The following TYW1 variants were observed in gnomAD, a reference collection of about 807,000 sequenced individuals.
TYW1 encodes S-adenosyl-L-methionine-dependent tRNA 4-demethylwyosine synthase TYW1.
Under a neutral mutation model 96.2 loss-of-function variants are expected in TYW1, and 46 were observed. That is an observed-to-expected ratio of 0.48 (90% CI 0.38 to 0.61). The LOEUF (loss-of-function observed/expected upper bound fraction) is 0.61, where lower values mean the gene tolerates loss of function less well. Among genes scored for constraint, TYW1 ranks in the 20% least tolerant of loss-of-function variants. The pLI is 0.00. For synonymous variants in TYW1, 274 were observed against 323.0 expected (o/e 0.85, Z 1.63); for missense variants, 684 against 909.6 (o/e 0.75, Z 3.19).
chr7:67,184,099 G>T (rs1799925982), intron 14 of TYW1, among the ~76,000 whole-genome samples: 1 of 152,204 alleles, frequency 6.6e-6, no homozygotes, highest in African/African-American at 2.4e-5. Context: ...GATTATAGGT[G>T]TGAGCCACTG....
chr7:67,159,954 C>T (rs1286629891), intron 13 of TYW1, among the ~76,000 whole-genome samples: 1 of 144,804 alleles, frequency 6.9e-6, no homozygotes, highest in Non-Finnish European at 1.5e-5. Context: ...GCGCCCGCCA[C>T]CACGCCCGGC....
At position 67,049,929 on chromosome 7, in the gene TYW1, T is replaced by C. The variant is rs1394972764; in HGVS notation, c.985-20T>C. 3.7e-6 allele frequency: 6 copies of C among 1,613,538 alleles called. No individual in the cohort carries two copies. The highest frequency in any genetic ancestry group is 5.1e-6 in the Non-Finnish European group (6 of 1,179,778). ...GCACATTACCAATTCTGGATTTCATTCTTTTTTATTTTAATGCAGAGAGAA... is the reference window on the plus strand; with the variant it reads ...GCACATTACCAATTCTGGATTTCATCCTTTTTTATTTTAATGCAGAGAGAA... On this transcript the variant is annotated intron_variant, in intron 7 of 15. Transcript: ENST00000359626.
chr7:67,217,513 T>C (rs1024995501), intron 15 of TYW1, among the ~76,000 whole-genome samples: 2 of 152,220 alleles, frequency 1.3e-5, no homozygotes, highest in Non-Finnish European at 2.9e-5. Context: ...GATGCTGTCC[T>C]TTCCCCATTG....
chr7:67,028,764 G>A (rs1291631038), intron 7 of TYW1, among the ~76,000 whole-genome samples: 1 of 152,034 alleles, frequency 6.6e-6, no homozygotes, highest in African/African-American at 2.4e-5. Context: ...GATCCAGCAG[G>A]CCCAGTTGTA....
At chr7:67,029,656 C>T (rs1218193459) in intron 7 of TYW1, among the ~76,000 whole-genome samples, 1 of 151,908 alleles carries the variant, frequency 6.6e-6, no homozygotes, top group Non-Finnish European at 1.5e-5. Flanking sequence ...GAATGACTCA[C>T]AGAACTCCCT....
rs1462113793 is a variant in TYW1 at position 67,238,811 on chromosome 7, C to T, written c.*282C>T. 13 of 1,250,212 alleles carry T rather than the reference C, an allele frequency of 1.0e-5. No homozygotes were observed. The highest frequency in any genetic ancestry group is 1.2e-5 in the Non-Finnish European group (12 of 991,488). The allele number at this position is 1,250,212 out of a possible 1,614,324, so 77.4% of individuals were successfully genotyped here. ...CTACACAGTCGTGATTAGAATTTAT[C>T]TGATGGTTTTGTATTATAACTTGTA... On this transcript the variant is annotated 3_prime_UTR_variant, in exon 16 of 16. Transcript: ENST00000359626.
chr7:66,998,665 G>A, intron 2 of TYW1, 152 bp from the exon 3 acceptor site: 1 of 887,848 alleles, frequency 1.1e-6, no homozygotes, highest in Non-Finnish European at 1.7e-6. Context: ...GCTAATATTT[G>A]AGGAATACAA....
chr7:67,023,101 CTTTTCTTTTTTTT>C (rs1794331273), intron 6 of TYW1, among the ~76,000 whole-genome samples: 1 of 151,868 alleles, frequency 6.6e-6, no homozygotes. Context: ...TAATTTTTTT[CTTTTCTTTTTTTT>C]GAGATGGAGT....
Position 67,072,583 on chromosome 7 carries a change from T to G in TYW1, c.1274+5180T>G, listed in dbSNP as rs547273162. 1.8e-4 allele frequency among the ~76,000 whole-genome samples: 27 copies of G among 151,364 alleles called. No homozygotes were observed. In the East Asian group the frequency reaches 3.3e-3, roughly 18 times the overall value. The stretch of plus-strand genomic sequence containing the variant: ...ACTTTTAAAAAATTCTTATTATAGA[T>G]TTTTTTTTAACATAAGCAGAGAGAG... On this transcript the variant is annotated intron_variant, in intron 10 of 15. Coordinates refer to ENST00000359626, the MANE Select transcript of TYW1 (RefSeq NM_018264.4).
intron 6 of TYW1, among the ~76,000 whole-genome samples, chr7:67,018,692 C>T (rs552901977): frequency 1.3e-5 from 2 of 151,914 alleles, no homozygotes; most frequent in East Asian, 3.9e-4. Context: ...CGGTGGCTCA[C>T]GCTTGTAATC....
rs531820949 is a variant in TYW1 at position 67,183,191 on chromosome 7, C to G, written c.1764C>G (p.Tyr588Ter). The change falls in exon 14 of 16, where the codon TAC becomes TAG. Residue 588 changes from tyrosine (Y) to a stop codon, truncating the protein, a stop_gained. Coordinates refer to ENST00000359626, the MANE Select transcript of TYW1 (RefSeq NM_018264.4). LOFTEE classifies it high-confidence loss of function. ...GGAACGTGGACGAGCTCCAGGCCTA[C>G]GCGCAGCTCGTGTCCCTGGGGAATC... ...KAWNVDELQA[Y>*]AQLVSLGNPD... 1.2e-6 allele frequency: 2 copies of G among 1,610,852 alleles called. No individual in the cohort carries two copies. The highest frequency in any genetic ancestry group is 1.7e-5 in the Admixed American group (1 of 59,802).
At chr7:67,223,572 C>T (rs1385430557) in intron 15 of TYW1, among the ~76,000 whole-genome samples, 1 of 151,056 alleles carries the variant, frequency 6.6e-6, no homozygotes, top group Non-Finnish European at 1.5e-5. Flanking sequence ...AAGCACTGGC[C>T]CTTGAAGTCC....
At chr7:67,115,760 A>C (rs925837819) in intron 12 of TYW1, among the ~76,000 whole-genome samples, 1 of 152,254 alleles carries the variant, frequency 6.6e-6, no homozygotes, top group Non-Finnish European at 1.5e-5. Context: ...TGATACATAT[A>C]TAAAGCACAT....
chr7:67,149,714 GA>G (rs201725802), intron 13 of TYW1, among the ~76,000 whole-genome samples: 1 of 136,488 alleles, frequency 7.3e-6, no homozygotes, highest in African/African-American at 2.6e-5. Flanking sequence ...GTCAAAAAAG[GA>G]AAAAAAATAT....
chr7:67,073,931 C>A (rs58942690), intron 10 of TYW1, among the ~76,000 whole-genome samples: 36,755 of 146,420 alleles, frequency 0.25, 4,745 homozygotes, highest in African/African-American at 0.33. Context: ...AAATAGAAAA[C>A]ATTAGCCGGG....
chr7:67,078,221 G>C (rs13223443), intron 10 of TYW1, among the ~76,000 whole-genome samples: 1 of 150,634 alleles, frequency 6.6e-6, no homozygotes, highest in African/African-American at 2.4e-5. Flanking sequence ...TCAGCCTCCC[G>C]AGTAACAGAG....
chr7:67,029,667 G>C (rs1794608829), intron 7 of TYW1, among the ~76,000 whole-genome samples: 1 of 151,854 alleles, frequency 6.6e-6, no homozygotes, highest in South Asian at 2.1e-4. Context: ...AGAACTCCCT[G>C]AAAGCACTAT....
At chr7:67,211,855 A>C (rs991764766) in intron 15 of TYW1, among the ~76,000 whole-genome samples, 3 of 152,188 alleles carry the variant, frequency 2.0e-5, no homozygotes, top group African/African-American at 7.2e-5. Context: ...AAAATGACTT[A>C]GGTCAGCGTC....
chr7:67,053,601 A>G (rs921750660), intron 8 of TYW1, among the ~76,000 whole-genome samples: 1 of 152,098 alleles, frequency 6.6e-6, no homozygotes, highest in Non-Finnish European at 1.5e-5. Flanking sequence ...ACTGTTCTCA[A>G]ACTCCTGACC....
Sources: gnomAD v4.1 joint callset for allele counts (sites outside exome capture counted in the v4.1 genomes callset) on GRCh38, gnomAD v4.1.1 for gene constraint, MANE v1.5 for transcripts, NCBI Gene and HGNC (gene_info 2026-07-23, HGNC 2026-07-21) for gene names.